Variants in PTPRK observed in about 807,000 individuals in gnomAD.
PTPRK encodes protein tyrosine phosphatase receptor type K.
Under a neutral mutation model 178.0 loss-of-function variants are expected in PTPRK, and 75 were observed. The ratio of observed to expected loss-of-function variants is 0.42; its 90% confidence interval spans 0.35 to 0.51. The LOEUF (loss-of-function observed/expected upper bound fraction) is 0.51, where lower values mean the gene tolerates loss of function less well. Ranked by LOEUF, PTPRK falls within the 20% of genes least tolerant of loss-of-function variation. PTPRK has a pLI of 0.02. For synonymous variants in PTPRK, 637 were observed against 620.6 expected (o/e 1.03, Z -0.39); for missense variants, 1,441 against 1,797.8 (o/e 0.80, Z 3.59).
At position 128,520,525 on chromosome 6, in the gene PTPRK, G is replaced by T; in HGVS notation, c.-167C>A. 2 of 618,870 alleles carry T rather than the reference G, an allele frequency of 3.2e-6. No individual in the cohort carries two copies. The highest frequency in any genetic ancestry group is 6.0e-5 in the Admixed American group (2 of 33,108). The allele number at this position is 618,870 out of a possible 1,614,324, so 38.3% of individuals were successfully genotyped here. The stretch of plus-strand genomic sequence containing the variant: ...TCGCGGTCGCCAAACTACCTCAGGG[G>T]CGAAAGCGTCGCCAGCGTCGCCGGC... On this transcript the variant is annotated 5_prime_UTR_variant, in exon 1 of 30. Coordinates refer to ENST00000368226, the MANE Select transcript of PTPRK (RefSeq NM_002844.4).
chr6:128,309,814 T>A (rs776984576), intron 3 of PTPRK, among the ~76,000 whole-genome samples: 2 of 152,174 alleles, frequency 1.3e-5, no homozygotes, highest in Non-Finnish European at 2.9e-5. Context: ...ACACCATTTT[T>A]ATAGAAAATT....
chr6:128,054,560 T>C (rs777340905), intron 13 of PTPRK, among the ~76,000 whole-genome samples: 31 of 152,140 alleles, frequency 2.0e-4, no homozygotes, highest in Non-Finnish European at 3.8e-4. Flanking sequence ...AGCCAATAAA[T>C]AGCAGAGGGG....
intron 13 of PTPRK, among the ~76,000 whole-genome samples, chr6:128,028,810 A>AT (rs774325494): frequency 6.6e-6 from 1 of 152,118 alleles, no homozygotes. Flanking sequence ...AGTGAAAACA[A>AT]TTTTTTTGTT....
At chr6:128,469,973 G>A (rs1335623248) in intron 1 of PTPRK, among the ~76,000 whole-genome samples, 1 of 152,142 alleles carries the variant, frequency 6.6e-6, no homozygotes, top group African/African-American at 2.4e-5. Context: ...TGGGCCCAGT[G>A]AGACTCCTGA....
intron 7 of PTPRK, among the ~76,000 whole-genome samples, chr6:128,093,645 CAAAACAA>C (rs915125101): frequency 3.2e-4 from 13 of 40,984 alleles, no homozygotes; most frequent in African/African-American, 7.5e-4. Context: ...AAAAACAAAA[CAAAACAA>C]AAAACAAAAA....
chr6:128,178,670 T>TCTAC (rs1282216381), intron 7 of PTPRK, among the ~76,000 whole-genome samples: 2 of 151,348 alleles, frequency 1.3e-5, no homozygotes, highest in Admixed American at 6.6e-5. Context: ...TATCTATCTA[T>TCTAC]CTATCTATCT....
chr6:128,471,977 G>A (rs187530156), intron 1 of PTPRK, among the ~76,000 whole-genome samples: 3 of 152,028 alleles, frequency 2.0e-5, no homozygotes, highest in Admixed American at 6.6e-5. Flanking sequence ...GAAAAAAGGC[G>A]GTTGCAGAAA....
rs1777955576 is a variant in PTPRK at position 128,045,866 on chromosome 6, A to C, written c.2194+18892T>G. Among the ~76,000 whole-genome samples the C allele has an allele frequency of 2.6e-5, 4 of 152,204 alleles. No homozygotes were observed. The South Asian group carries it at 8.3e-4, about 32-fold the overall frequency. The stretch of plus-strand genomic sequence containing the variant: ...ATAAGAAATTTCTGAATAATTAACA[A>C]TTTGACCACTCGTTAGCCTTTAAAT... On this transcript the variant is annotated intron_variant, in intron 13 of 29. Transcript: ENST00000368226.
At chr6:127,977,298 A>C (rs1774717749) in intron 25 of PTPRK, among the ~76,000 whole-genome samples, 1 of 152,228 alleles carries the variant, frequency 6.6e-6, no homozygotes, top group South Asian at 2.1e-4. Context: ...TCAAGTCAAT[A>C]ACTGAGTTTT....
intron 2 of PTPRK, among the ~76,000 whole-genome samples, chr6:128,380,749 A>G (rs917619124): frequency 1.3e-5 from 2 of 152,156 alleles, no homozygotes; most frequent in African/African-American, 4.8e-5. Flanking sequence ...TCATTCTTCA[A>G]CAGACGTAAC....
intron 3 of PTPRK, among the ~76,000 whole-genome samples, chr6:128,268,923 A>C (rs1168077624): frequency 6.6e-6 from 1 of 152,106 alleles, no homozygotes; most frequent in Non-Finnish European, 1.5e-5. Context: ...CAGAGGATTT[A>C]AATATTCTAT....
At chr6:128,385,478 C>G (rs1005656478) in intron 2 of PTPRK, among the ~76,000 whole-genome samples, 1 of 152,052 alleles carries the variant, frequency 6.6e-6, no homozygotes, top group Non-Finnish European at 1.5e-5. Flanking sequence ...TAAAATGTGT[C>G]CAAAATAATT....
intron 7 of PTPRK, among the ~76,000 whole-genome samples, chr6:128,166,668 G>A (rs557043917): frequency 4.0e-5 from 6 of 151,562 alleles, no homozygotes; most frequent in Admixed American, 1.3e-4. Context: ...CTCTCCTCTA[G>A]TAACAAAACT....
Position 128,067,615 on chromosome 6 carries a change from C to T in PTPRK, c.2061G>A (p.Val687=), listed in dbSNP as rs779796999. The T allele has an allele frequency of 5.0e-6, 8 of 1,613,450 alleles. No individual in the cohort carries two copies. The highest frequency in any genetic ancestry group is 6.8e-6 in the Non-Finnish European group (8 of 1,179,584). Residue 687 remains valine, a synonymous_variant, in exon 12 of 30, where the codon GTG becomes GTA. Coordinates refer to ENST00000368226, the MANE Select transcript of PTPRK (RefSeq NM_002844.4). ...AGCCTTGGTAGGTCCGATTGTCACC[C>T]ACAGTGAACGGGGCAGGCTCAGGTA... is the stretch of plus-strand genomic sequence containing the variant. The part of the protein sequence containing the change: ...GNLPEPAPFT[V]GDNRTYQGFW...
chr6:128,313,376 G>A (rs1827527544), intron 3 of PTPRK, among the ~76,000 whole-genome samples: 2 of 152,036 alleles, frequency 1.3e-5, no homozygotes, highest in Admixed American at 1.3e-4. Flanking sequence ...AATACTATTG[G>A]AGGAAAAATA....
At chr6:128,472,979 CTTTTA>C (rs2128419622) in intron 1 of PTPRK, among the ~76,000 whole-genome samples, 1 of 152,142 alleles carries the variant, frequency 6.6e-6, no homozygotes, top group Non-Finnish European at 1.5e-5. Context: ...TGTATTTCTT[CTTTTA>C]TTTTAAAATT....
At chr6:128,026,844 T>C (rs887927632) in intron 13 of PTPRK, among the ~76,000 whole-genome samples, 4 of 152,222 alleles carry the variant, frequency 2.6e-5, no homozygotes, top group African/African-American at 9.7e-5. Flanking sequence ...TTATTCACTC[T>C]GTATTTCTTA....
intron 5 of PTPRK, among the ~76,000 whole-genome samples, chr6:128,236,617 G>A (rs768680652): frequency 1.3e-5 from 2 of 152,056 alleles, no homozygotes; most frequent in Non-Finnish European, 2.9e-5. Flanking sequence ...AAAGTGCTGG[G>A]ATTACAGGCG....
intron 7 of PTPRK, among the ~76,000 whole-genome samples, chr6:128,151,174 TAAAAATTCAAAAAA>T (rs138007124): frequency 0.022 from 3,324 of 152,164 alleles, 99 homozygotes; most frequent in African/African-American, 0.046. Flanking sequence ...ATAAAAAATT[TAAAAATTCAAAAAA>T]GGGAGGAGGA....
Sources: gnomAD v4.1 joint callset for allele counts (sites outside exome capture counted in the v4.1 genomes callset) on GRCh38, gnomAD v4.1.1 for gene constraint, MANE v1.5 for transcripts, NCBI Gene and HGNC (gene_info 2026-07-23, HGNC 2026-07-21) for gene names.